The following PCDH17 variants were observed in gnomAD, a reference collection of about 807,000 sequenced individuals.
PCDH17 encodes the protein protocadherin 17.
Under a neutral mutation model 67.7 loss-of-function variants are expected in PCDH17, and 21 were observed. That is an observed-to-expected ratio of 0.31 (90% confidence interval 0.22 to 0.45). PCDH17 has a LOEUF of 0.45. Ranked by LOEUF, PCDH17 falls within the 20% of genes least tolerant of loss-of-function variation. The pLI, the probability that PCDH17 is intolerant of heterozygous loss-of-function variation, is 1.00. For synonymous variants in PCDH17, 701 were observed against 656.7 expected (o/e 1.07, Z -1.03); for missense variants, 1,471 against 1,564.8 (o/e 0.94, Z 1.01).
At position 57,632,739 on chromosome 13, in the gene PCDH17, C is replaced by G. The variant is rs749323048; in HGVS notation, c.193C>G (p.Arg65Gly). 2.5e-6 allele frequency: 4 copies of G among 1,612,208 alleles called. No individual in the cohort carries two copies. Among genetic ancestry groups the G allele is most frequent in the Non-Finnish European group, 3.4e-6 (4 of 1,179,944 alleles). Residue 65 changes from arginine (R) to glycine (G), a missense_variant, in exon 1 of 4, where the codon CGG becomes GGG. Coordinates refer to ENST00000377918, the MANE Select transcript of PCDH17 (RefSeq NM_001040429.3). ...AGGGCGCAGCAAGTCGGGTAGCTACCGGGTGCTGGAGAACTCCGCACCGCA... is the reference window on the plus strand; with the variant it reads ...AGGGCGCAGCAAGTCGGGTAGCTACGGGGTGCTGGAGAACTCCGCACCGCA... ...GGGRSKSGSY[R>G]VLENSAPHLL...
chr13:57,713,901 CA>C (rs920463226), intron 3 of PCDH17, among the ~76,000 whole-genome samples: 1 of 151,434 alleles, frequency 6.6e-6, no homozygotes, highest in African/African-American at 2.4e-5. Flanking sequence ...CTTCTTTCTT[CA>C]AAAATATAGT....
chr13:57,637,816 A>C (rs1954841975), intron 1 of PCDH17, among the ~76,000 whole-genome samples: 1 of 152,066 alleles, frequency 6.6e-6, no homozygotes, highest in African/African-American at 2.4e-5. Context: ...TTAAAGCTAA[A>C]GTTAAGATTT....
At chr13:57,638,453 A>AT (rs1954851590) in intron 1 of PCDH17, among the ~76,000 whole-genome samples, 1 of 152,074 alleles carries the variant, frequency 6.6e-6, no homozygotes, top group African/African-American at 2.4e-5. Context: ...GTGTTTTCAC[A>AT]TTTTTTGTAG....
At chr13:57,663,516 A>T (rs1297376506) in intron 1 of PCDH17, among the ~76,000 whole-genome samples, 2 of 152,118 alleles carry the variant, frequency 1.3e-5, no homozygotes, top group Admixed American at 6.5e-5. Flanking sequence ...TTCTATGCAA[A>T]TACTGTTATT....
At chr13:57,704,485 TA>T (rs1206716466) in intron 3 of PCDH17, among the ~76,000 whole-genome samples, 1 of 151,568 alleles carries the variant, frequency 6.6e-6, no homozygotes, top group East Asian at 1.9e-4. Context: ...TAATGATTGA[TA>T]GATAAATATT....
At chr13:57,708,216 G>A (rs1051221698) in intron 3 of PCDH17, among the ~76,000 whole-genome samples, 3 of 151,948 alleles carry the variant, frequency 2.0e-5, no homozygotes, top group Non-Finnish European at 4.4e-5. Context: ...TGCTTTCTAC[G>A]TAGTAAAATG....
At chr13:57,716,344 T>A (rs191914777) in intron 3 of PCDH17, among the ~76,000 whole-genome samples, 308 of 152,124 alleles carry the variant, frequency 2.0e-3, no homozygotes, top group African/African-American at 7.2e-3. Flanking sequence ...TTTTTTCAGA[T>A]CCTAGCAAAT....
chr13:57,695,234 CA>C (rs1222212885), intron 3 of PCDH17, among the ~76,000 whole-genome samples: 1 of 150,988 alleles, frequency 6.6e-6, no homozygotes, highest in Non-Finnish European at 1.5e-5. Context: ...ACAAAAGCTT[CA>C]AGTATATTGA....
At chr13:57,702,168 C>T (rs887154575) in intron 3 of PCDH17, among the ~76,000 whole-genome samples, 2 of 152,024 alleles carry the variant, frequency 1.3e-5, no homozygotes, top group African/African-American at 4.8e-5. Context: ...TCCACCGCCT[C>T]GGCCTCCCAA....
At chr13:57,678,825 T>G (rs1955420336) in intron 3 of PCDH17, among the ~76,000 whole-genome samples, 1 of 151,630 alleles carries the variant, frequency 6.6e-6, no homozygotes, top group Admixed American at 6.6e-5. Context: ...ATTTTTTCTT[T>G]ACTTTTCCGT....
At chr13:57,642,814 T>C (rs964887897) in intron 1 of PCDH17, among the ~76,000 whole-genome samples, 1 of 151,612 alleles carries the variant, frequency 6.6e-6, no homozygotes, top group Non-Finnish European at 1.5e-5. Flanking sequence ...GTATTTATTG[T>C]AGGCAGAAAT....
At chr13:57,666,638 C>G (rs779856488) in intron 2 of PCDH17, 23 bp from the exon 3 acceptor site, 9 of 1,608,872 alleles carry the variant, frequency 5.6e-6, no homozygotes, top group Non-Finnish European at 6.8e-6. Context: ...ACTTTCTCTT[C>G]TTTTTCTTTA....
chr13:57,676,282 T>G (rs974769449), intron 3 of PCDH17, among the ~76,000 whole-genome samples: 2 of 151,732 alleles, frequency 1.3e-5, no homozygotes, highest in Non-Finnish European at 2.9e-5. Context: ...CAGAAAACAA[T>G]TAGGTAGTAT....
chr13:57,708,001 G>C (rs1020372533), intron 3 of PCDH17, among the ~76,000 whole-genome samples: 14 of 151,940 alleles, frequency 9.2e-5, no homozygotes, highest in African/African-American at 3.4e-4. Context: ...ACATTTTAGG[G>C]TGGGGGGCAG....
intron 3 of PCDH17, among the ~76,000 whole-genome samples, chr13:57,707,946 C>A (rs188658407): frequency 2.0e-5 from 3 of 151,942 alleles, no homozygotes; most frequent in Non-Finnish European, 4.4e-5. Flanking sequence ...TCTGCAGAGA[C>A]CCTATTTCCA....
At chr13:57,666,417 G>T in intron 1 of PCDH17, 51 bp from the exon 2 acceptor site, 1 of 1,344,284 alleles carries the variant, frequency 7.4e-7, no homozygotes, top group Non-Finnish European at 1.1e-6. Context: ...TGCTCTGCAG[G>T]AGATTTGTCC....
At chr13:57,650,612 T>C (rs557642438) in intron 1 of PCDH17, among the ~76,000 whole-genome samples, 57 of 152,190 alleles carry the variant, frequency 3.7e-4, no homozygotes, top group Non-Finnish European at 8.1e-4. Flanking sequence ...TTGAGTTTAA[T>C]TTTCACTCTT....
chr13:57,698,048 G>T (rs139955044), intron 3 of PCDH17, among the ~76,000 whole-genome samples: 15 of 151,598 alleles, frequency 9.9e-5, no homozygotes, highest in Admixed American at 4.6e-4. Flanking sequence ...GAAAATTCAT[G>T]CCTTGAAAAA....
intron 1 of PCDH17, among the ~76,000 whole-genome samples, chr13:57,661,597 G>T (rs992910987): frequency 2.0e-5 from 3 of 151,890 alleles, no homozygotes; most frequent in Non-Finnish European, 4.4e-5. Flanking sequence ...TTACATTTAG[G>T]TCTATGTTCC....
Sources: gnomAD v4.1 joint callset for allele counts (sites outside exome capture counted in the v4.1 genomes callset) on GRCh38, gnomAD v4.1.1 for gene constraint, MANE v1.5 for transcripts, NCBI Gene and HGNC (gene_info 2026-07-23, HGNC 2026-07-21) for gene names.